GNG12: variants seen among roughly 807,000 people sequenced by gnomAD.
GNG12 encodes guanine nucleotide-binding protein G(I)/G(S)/G(O) subunit gamma-12.
For synonymous variants in GNG12, 28 were observed against 29.7 expected (o/e 0.94, Z 0.19); for missense variants, 69 against 83.8 (o/e 0.82, Z 0.69).
chr1:67,823,443 C>G (rs1017528149), intron 1 of GNG12, among the ~76,000 whole-genome samples: 2 of 152,120 alleles, frequency 1.3e-5, no homozygotes, highest in Non-Finnish European at 2.9e-5. Flanking sequence ...CCCACTCTAC[C>G]CTTAGGCCCA....
At chr1:67,805,575 G>A (rs1646890318) in intron 1 of GNG12, among the ~76,000 whole-genome samples, 1 of 152,040 alleles carries the variant, frequency 6.6e-6, no homozygotes, top group African/African-American at 2.4e-5. Flanking sequence ...GAATCTCTAG[G>A]CTTGAAGATA....
At chr1:67,721,582 G>C (rs1448724713) in intron 2 of GNG12, among the ~76,000 whole-genome samples, 2 of 152,172 alleles carry the variant, frequency 1.3e-5, no homozygotes, top group African/African-American at 4.8e-5. Flanking sequence ...AAGTAAATTA[G>C]CATCAGTCTA....
At chr1:67,741,292 A>T (rs1471960927) in intron 2 of GNG12, among the ~76,000 whole-genome samples, 2 of 152,168 alleles carry the variant, frequency 1.3e-5, no homozygotes, top group Non-Finnish European at 2.9e-5. Flanking sequence ...GGCCATTCTG[A>T]TTGCACACCT....
At chr1:67,751,155 G>C (rs2100725938) in intron 2 of GNG12, among the ~76,000 whole-genome samples, 1 of 150,092 alleles carries the variant, frequency 6.7e-6, no homozygotes, top group South Asian at 2.1e-4. Flanking sequence ...AGTCTACCAG[G>C]ACTGCCCATT....
chr1:67,819,164 T>C (rs1207387064), intron 1 of GNG12, among the ~76,000 whole-genome samples: 2 of 152,048 alleles, frequency 1.3e-5, no homozygotes, highest in African/African-American at 4.8e-5. Context: ...ACCCAGGCTT[T>C]AGTTGGGGGC....
chr1:67,782,542 C>A (rs1266123646), intron 1 of GNG12, among the ~76,000 whole-genome samples: 2 of 152,098 alleles, frequency 1.3e-5, no homozygotes, highest in South Asian at 2.1e-4. Context: ...CTGTCCTAAT[C>A]CACAGAGAGC....
intron 1 of GNG12, among the ~76,000 whole-genome samples, chr1:67,811,036 C>G (rs1452234539): frequency 6.6e-6 from 1 of 152,200 alleles, no homozygotes; most frequent in Non-Finnish European, 1.5e-5. Context: ...AATTTTCAAG[C>G]TGCAACTCAG....
At chr1:67,793,719 T>C (rs1276301) in intron 1 of GNG12, among the ~76,000 whole-genome samples, 109,935 of 152,030 alleles carry the variant, frequency 0.72, 39,871 homozygotes, top group Middle Eastern at 0.79. Flanking sequence ...ACATTCTGAA[T>C]GACCCCCAAA....
chr1:67,769,739 C>T (rs1646662198), intron 2 of GNG12, among the ~76,000 whole-genome samples: 2 of 152,088 alleles, frequency 1.3e-5, no homozygotes, highest in South Asian at 4.1e-4. Context: ...ATCTCTGAGG[C>T]CCAGGAAAGA....
rs1646545995 is a variant in GNG12, at chr1:67,752,721, T to C, written c.-27+24737A>G. ...AATTGATTTCATATACTTTAATTTC[T>C]TTCCTTAAAGTAACTGACAGTTGAC... On this transcript the variant is annotated intron_variant, in intron 2 of 3. Coordinates refer to ENST00000370982, the MANE Select transcript of GNG12 (RefSeq NM_018841.6). Among the ~76,000 whole-genome samples, 4 of 152,378 alleles carry C rather than the reference T, an allele frequency of 2.6e-5. No individual in the cohort carries two copies. The South Asian group carries it at 8.3e-4, about 32-fold the overall frequency.
chr1:67,787,035 A>ATGTGTGTGTGTG (rs1553158942), intron 1 of GNG12, among the ~76,000 whole-genome samples: 16 of 36,186 alleles, frequency 4.4e-4, no homozygotes, highest in East Asian at 2.6e-3. Context: ...GTATGTGTAT[A>ATGTGTGTGTGTG]AGTGTGTGTG....
chr1:67,769,568 T>G (rs2100751759), intron 2 of GNG12, among the ~76,000 whole-genome samples: 1 of 152,146 alleles, frequency 6.6e-6, no homozygotes, highest in East Asian at 1.9e-4. Flanking sequence ...GTTAGGGTCA[T>G]GAGCATGAGA....
At chr1:67,743,402 T>A (rs915900352) in intron 2 of GNG12, among the ~76,000 whole-genome samples, 5 of 152,212 alleles carry the variant, frequency 3.3e-5, no homozygotes, top group Non-Finnish European at 5.9e-5. Flanking sequence ...CAATAAAAAC[T>A]GCATCTAACC....
intron 2 of GNG12, among the ~76,000 whole-genome samples, chr1:67,741,921 T>C (rs539486262): frequency 1.3e-5 from 2 of 152,348 alleles, no homozygotes; most frequent in East Asian, 1.9e-4. Flanking sequence ...GAGTAGCAGA[T>C]GCACTTGGAT....
intron 2 of GNG12, among the ~76,000 whole-genome samples, chr1:67,739,778 C>G (rs1646472761): frequency 1.3e-5 from 2 of 152,190 alleles, no homozygotes; most frequent in Admixed American, 6.5e-5. Context: ...GTTCAGATAT[C>G]TGAAGACCAA....
chr1:67,762,141 A>G (rs1312250686), intron 2 of GNG12, among the ~76,000 whole-genome samples: 1 of 152,202 alleles, frequency 6.6e-6, no homozygotes, highest in Admixed American at 6.5e-5. Flanking sequence ...TTCTAGGGCT[A>G]CAGATCAATA....
At chr1:67,749,080 C>G (rs930858085) in intron 2 of GNG12, among the ~76,000 whole-genome samples, 1 of 152,170 alleles carries the variant, frequency 6.6e-6, no homozygotes. Context: ...CCCTCCATTT[C>G]TTCCTGAATA....
intron 1 of GNG12, among the ~76,000 whole-genome samples, chr1:67,788,494 C>T (rs1646782606): frequency 6.6e-6 from 1 of 151,868 alleles, no homozygotes; most frequent in Non-Finnish European, 1.5e-5. Context: ...TCACCACACC[C>T]AGCTAGTTTT....
chr1:67,719,336 C>G (rs1303088865), intron 2 of GNG12, among the ~76,000 whole-genome samples: 1 of 152,146 alleles, frequency 6.6e-6, no homozygotes, highest in African/African-American at 2.4e-5. Flanking sequence ...TCATGAATTC[C>G]TGCTACATGC....
Sources: gnomAD v4.1 joint callset for allele counts (sites outside exome capture counted in the v4.1 genomes callset) on GRCh38, gnomAD v4.1.1 for gene constraint, MANE v1.5 for transcripts, NCBI Gene and HGNC (gene_info 2026-07-23, HGNC 2026-07-21) for gene names.